RORA: variants seen among roughly 807,000 people sequenced by gnomAD.
The protein encoded by RORA is nuclear receptor ROR-alpha.
A neutral mutation model predicts 69.5 loss-of-function variants in RORA; 7 were observed. That is an observed-to-expected ratio of 0.10 (90% confidence interval 0.06 to 0.19). RORA has a LOEUF of 0.19. Ranked by LOEUF, RORA falls within the 10% of genes least tolerant of loss-of-function variation. The pLI is 1.00. For synonymous variants in RORA, 261 were observed against 240.8 expected, an observed-to-expected ratio of 1.08 and a Z score of -0.78; for missense variants, 457 against 663.0, an observed-to-expected ratio of 0.69 and a Z score of 3.41.
intron 1 of RORA, among the ~76,000 whole-genome samples, chr15:61,180,725 G>T (rs1259783451): frequency 6.6e-6 from 1 of 152,186 alleles, no homozygotes; most frequent in Admixed American, 6.5e-5. Flanking sequence ...TGAGCACCTT[G>T]AAGGCAGGGC....
In RORA at chr15:60,763,064, G is replaced by GTTTTT. The variant is rs1567181989; in HGVS notation, c.167-84379_167-84378insAAAAA. On this transcript the variant is annotated intron_variant, in intron 1 of 10. Transcript: ENST00000335670. ...AAAAGTACTGTTTCCAATATGCACA[G>GTTTTT]ATTTTTTTTTTTTTTTTTTTTTTTT... is the stretch of plus-strand genomic sequence containing the variant. Among the ~76,000 whole-genome samples the GTTTTT allele has an allele frequency of 2.7e-4, 11 of 40,214 alleles. 1 individual carries two copies. Among genetic ancestry groups the GTTTTT allele is most frequent in the African/African-American group, 1.1e-3 (10 of 9,192 alleles). The allele number at this position is 40,214 out of a possible 152,430, so 26.4% of individuals were successfully genotyped here.
At position 60,523,050 on chromosome 15, in the gene RORA, CA is replaced by C. The variant is rs371105995; in HGVS notation, c.283-8294del. On this transcript the variant is annotated intron_variant, in intron 3 of 10. Coordinates refer to ENST00000335670, the MANE Select transcript of RORA (RefSeq NM_134261.3). ...GAGACTCTGCCTCAAAAAAAAAACA[CA>C]AAAAAAAAAACTGATGAAAATTATA... is the stretch of plus-strand genomic sequence containing the variant. 4.4e-3 allele frequency among the ~76,000 whole-genome samples: 649 copies of C among 148,412 alleles called. 5 individuals carry two copies. Among genetic ancestry groups the C allele is most frequent in the African/African-American group, 0.015 (617 of 39,860 alleles).
At chr15:60,589,245 G>A (rs976037640) in intron 2 of RORA, among the ~76,000 whole-genome samples, 24 of 152,156 alleles carry the variant, frequency 1.6e-4, no homozygotes, top group African/African-American at 5.3e-4. Flanking sequence ...CTACAGAATC[G>A]TATTTATTAC....
intron 1 of RORA, among the ~76,000 whole-genome samples, chr15:60,993,072 A>G (rs1272062401): frequency 6.6e-6 from 1 of 152,172 alleles, no homozygotes; most frequent in East Asian, 1.9e-4. Context: ...GTTACTTAAC[A>G]GTGTAGGTAA....
Position 61,229,010 on chromosome 15 carries a change from G to A in RORA, c.166+43C>T, listed in dbSNP as rs530446205. The stretch of plus-strand genomic sequence containing the variant: ...CCCGGCCGCCCCCCGCTCCGCGCCC[G>A]GGCTCCCGCCGCCCCCTCCCCAGCC... On this transcript the variant is annotated intron_variant, in intron 1 of 10. Coordinates refer to ENST00000335670, the MANE Select transcript of RORA (RefSeq NM_134261.3). 222 of 1,171,116 alleles carry A rather than the reference G, an allele frequency of 1.9e-4. No individual in the cohort carries two copies. The African/African-American group carries it at 3.3e-3, about 17-fold the overall frequency. The allele number at this position is 1,171,116 out of a possible 1,614,324, so 72.5% of individuals were successfully genotyped here.
At chr15:60,865,103 G>A (rs895443043) in intron 1 of RORA, among the ~76,000 whole-genome samples, 4 of 152,326 alleles carry the variant, frequency 2.6e-5, no homozygotes, top group South Asian at 2.1e-4. Context: ...CTGGTCCAAC[G>A]TTCTTTCCAC....
intron 1 of RORA, among the ~76,000 whole-genome samples, chr15:61,184,678 T>A (rs1247378268): frequency 6.6e-6 from 1 of 152,076 alleles, no homozygotes; most frequent in Non-Finnish European, 1.5e-5. Flanking sequence ...GTTTGCTGAA[T>A]CAAAGGACTG....
At chr15:60,709,750 T>G (rs780329449) in intron 1 of RORA, among the ~76,000 whole-genome samples, 4 of 152,000 alleles carry the variant, frequency 2.6e-5, no homozygotes, top group Non-Finnish European at 5.9e-5. Flanking sequence ...TGGTGAATTG[T>G]ATAATTATTT....
chr15:60,878,282 T>C (rs2073640922), intron 1 of RORA, among the ~76,000 whole-genome samples: 1 of 141,084 alleles, frequency 7.1e-6, no homozygotes, highest in African/African-American at 2.7e-5. Flanking sequence ...AGGCGGAGCT[T>C]GCAGTGGGCC....
intron 1 of RORA, among the ~76,000 whole-genome samples, chr15:60,814,506 G>C (rs1009613583): frequency 2.0e-5 from 3 of 152,110 alleles, no homozygotes; most frequent in African/African-American, 7.2e-5. Context: ...AATAAATGAA[G>C]AGAGAGCACA....
intron 2 of RORA, among the ~76,000 whole-genome samples, chr15:60,598,791 G>A (rs2140548451): frequency 1.3e-5 from 2 of 152,324 alleles, no homozygotes; most frequent in African/African-American, 4.8e-5. Context: ...CACCTGCTAA[G>A]TATTGAGGAC....
intron 1 of RORA, among the ~76,000 whole-genome samples, chr15:61,015,966 G>A (rs992457965): frequency 2.6e-5 from 4 of 152,198 alleles, no homozygotes; most frequent in Non-Finnish European, 5.9e-5. Flanking sequence ...CAGGGGGAAC[G>A]TGGCCAAGAC....
At chr15:61,117,306 G>A (rs1307507532) in intron 1 of RORA, among the ~76,000 whole-genome samples, 1 of 150,746 alleles carries the variant, frequency 6.6e-6, no homozygotes, top group Non-Finnish European at 1.5e-5. Flanking sequence ...ATCATTCAAA[G>A]ATTCTGTTCT....
intron 1 of RORA, among the ~76,000 whole-genome samples, chr15:61,228,250 G>T (rs1002766011): frequency 6.6e-6 from 1 of 152,132 alleles, no homozygotes; most frequent in African/African-American, 2.4e-5. Context: ...CGCGTGGAGC[G>T]CCCCACAGGA....
chr15:60,508,746 C>T (rs1007600589), intron 5 of RORA, among the ~76,000 whole-genome samples: 4 of 152,146 alleles, frequency 2.6e-5, no homozygotes, highest in Non-Finnish European at 4.4e-5. Flanking sequence ...ATGCCAGGAC[C>T]ACAACCCATA....
intron 1 of RORA, among the ~76,000 whole-genome samples, chr15:61,100,401 T>C (rs2078862253): frequency 1.3e-5 from 2 of 152,232 alleles, no homozygotes; most frequent in Non-Finnish European, 1.5e-5. Context: ...ATTACAGGCA[T>C]GACCAGCGGT....
chr15:61,075,419 G>C (rs1022918542), intron 1 of RORA, among the ~76,000 whole-genome samples: 2 of 152,124 alleles, frequency 1.3e-5, no homozygotes, highest in Non-Finnish European at 2.9e-5. Context: ...GGCCTGCAGT[G>C]GGTGTGCGTC....
At chr15:61,195,395 A>C (rs1300959581) in intron 1 of RORA, among the ~76,000 whole-genome samples, 1 of 151,728 alleles carries the variant, frequency 6.6e-6, no homozygotes, top group African/African-American at 2.4e-5. Context: ...TGCTTCAACA[A>C]ACCAAACCAC....
chr15:60,943,924 A>AAAAAAAAAAAAAAAAAAAAAAAC (rs1892783406), intron 1 of RORA, among the ~76,000 whole-genome samples: 1 of 147,296 alleles, frequency 6.8e-6, no homozygotes, highest in Non-Finnish European at 1.5e-5. Flanking sequence ...TCCAAAAAAA[A>AAAAAAAAAAAAAAAAAAAAAAAC]AAAAAAAAAA....
Sources: gnomAD v4.1 joint callset for allele counts (sites outside exome capture counted in the v4.1 genomes callset) on GRCh38, gnomAD v4.1.1 for gene constraint, MANE v1.5 for transcripts, NCBI Gene and HGNC (gene_info 2026-07-23, HGNC 2026-07-21) for gene names.